Variants in HPSE2 observed in about 807,000 individuals in gnomAD.
HPSE2 encodes inactive heparanase-2.
In HPSE2, 38 loss-of-function variants were observed where a neutral mutation model predicts 60.5. The ratio of observed to expected loss-of-function variants is 0.63; its 90% CI spans 0.48 to 0.82. The LOEUF (loss-of-function observed/expected upper bound fraction) is 0.82. HPSE2 is among the 40% of genes least tolerant of loss of function. The probability of loss-of-function intolerance (pLI) is 0.00; values close to 1 mark genes in which losing one functional copy is unlikely to be tolerated. For synonymous variants in HPSE2, 295 were observed against 293.2 expected (o/e 1.01, Z -0.06); for missense variants, 713 against 740.4 (o/e 0.96, Z 0.43).
intron 3 of HPSE2, among the ~76,000 whole-genome samples, chr10:98,834,454 T>G (rs1951749038): frequency 1.3e-5 from 2 of 152,162 alleles, no homozygotes; most frequent in South Asian, 2.1e-4. Context: ...GGAAGCAGGT[T>G]TGCATAAAAG....
chr10:99,027,775 C>A (rs889314545), intron 3 of HPSE2, among the ~76,000 whole-genome samples: 2 of 148,762 alleles, frequency 1.3e-5, no homozygotes, highest in East Asian at 2.0e-4. Context: ...ACTAGTAAAC[C>A]AAACTCAACA....
intron 9 of HPSE2, among the ~76,000 whole-genome samples, chr10:98,558,106 A>T (rs1944065284): frequency 1.3e-5 from 2 of 152,168 alleles, no homozygotes; most frequent in Non-Finnish European, 2.9e-5. Context: ...CATGTATCTG[A>T]GAATGGCTAA....
intron 6 of HPSE2, among the ~76,000 whole-genome samples, chr10:98,679,717 TC>T (rs2134133155): frequency 6.6e-6 from 1 of 152,214 alleles, no homozygotes; most frequent in Admixed American, 6.5e-5. Context: ...AGAAATAGGG[TC>T]TTGCTCTGTT....
At chr10:99,303,470 G>C in the HPSE2 span, among the ~76,000 whole-genome samples, 1 of 152,146 alleles carries the variant, frequency 6.6e-6, no homozygotes, top group Admixed American at 6.5e-5. Context: ...TAACCTCCCT[G>C]TTCGACCAGG....
chr10:99,037,406 T>C (rs931134713), intron 3 of HPSE2, among the ~76,000 whole-genome samples: 1 of 152,084 alleles, frequency 6.6e-6, no homozygotes, highest in Non-Finnish European at 1.5e-5. Flanking sequence ...TGGTGACACA[T>C]ATATGTAAAG....
intron 11 of HPSE2, among the ~76,000 whole-genome samples, chr10:98,460,129 C>A (rs1940224596): frequency 6.6e-6 from 1 of 152,144 alleles, no homozygotes; most frequent in Admixed American, 6.5e-5. Context: ...TTAAAAATCA[C>A]AATATCAGCT....
At chr10:98,960,301 G>C (rs900306833) in intron 3 of HPSE2, among the ~76,000 whole-genome samples, 2 of 152,042 alleles carry the variant, frequency 1.3e-5, no homozygotes, top group Non-Finnish European at 2.9e-5. Flanking sequence ...CAAAGCCAAG[G>C]AACAGGCAAT....
intron 3 of HPSE2, among the ~76,000 whole-genome samples, chr10:99,099,363 A>C (rs947362421): frequency 2.6e-5 from 4 of 152,242 alleles, no homozygotes; most frequent in Non-Finnish European, 5.9e-5. Context: ...CATGGCTCAC[A>C]GGGACCCATG....
At chr10:99,106,319 T>A (rs910154734) in intron 3 of HPSE2, among the ~76,000 whole-genome samples, 4 of 152,124 alleles carry the variant, frequency 2.6e-5, no homozygotes, top group African/African-American at 9.6e-5. Flanking sequence ...ATCATACTTT[T>A]GTTAAATTGT....
At chr10:98,510,852 A>C (rs1942365822) in intron 9 of HPSE2, among the ~76,000 whole-genome samples, 1 of 151,884 alleles carries the variant, frequency 6.6e-6, no homozygotes, top group African/African-American at 2.4e-5. Context: ...GAGGCTGACT[A>C]AAGTATCACA....
chr10:98,606,114 G>C (rs1339791331), intron 9 of HPSE2, among the ~76,000 whole-genome samples: 1 of 152,294 alleles, frequency 6.6e-6, no homozygotes, highest in Non-Finnish European at 1.5e-5. Flanking sequence ...CAGGGATCTT[G>C]TCTTTCCCCT....
Position 98,867,912 on chromosome 10 carries a change from A to G in HPSE2, c.611-123856T>C, listed in dbSNP as rs981822824. On this transcript the variant is annotated intron_variant, in intron 3 of 11. Transcript: ENST00000370552. ...CTGTCTCTACTAAAAATACAAAAAA[A>G]TTAGCCAGGGGTGGTGGCAGATGCC... Among the ~76,000 whole-genome samples the G allele has an allele frequency of 3.3e-5, 5 of 152,054 alleles. No homozygotes were observed. The East Asian group carries it at 9.7e-4, about 30-fold the overall frequency.
rs1322220518 is a variant in HPSE2, at chr10:98,938,630, G to T, written c.611-194574C>A. 1.1e-4 allele frequency among the ~76,000 whole-genome samples: 16 copies of T among 144,046 alleles called. 1 individual carries two copies. The East Asian group carries it at 2.4e-3, about 21-fold the overall frequency. The allele number at this position is 144,046 out of a possible 152,430, so 94.5% of individuals were successfully genotyped here. On this transcript the variant is annotated intron_variant, in intron 3 of 11. Coordinates refer to ENST00000370552, the MANE Select transcript of HPSE2 (RefSeq NM_021828.5). ...CTGATTGGTGTACCTGAAAGTGAGG[G>T]GGAGAATGCAACCAAGTTGGAAAAC...
intron 3 of HPSE2, chr10:99,013,332 G>C: frequency 1.6e-6 from 1 of 614,968 alleles, no homozygotes; most frequent in Non-Finnish European, 3.1e-6. Context: ...GAGTTCTCTA[G>C]TTACAGAAAT....
chr10:99,298,686 T>C, the HPSE2 span, among the ~76,000 whole-genome samples: 1 of 151,858 alleles, frequency 6.6e-6, no homozygotes, highest in Non-Finnish European at 1.5e-5. Context: ...TTTTTCTTTT[T>C]TTTTTTTGAG....
chr10:99,186,129 C>CACACACACACACACACACACACAT (rs1848007108), intron 2 of HPSE2, among the ~76,000 whole-genome samples: 40 of 141,704 alleles, frequency 2.8e-4, no homozygotes, highest in African/African-American at 8.0e-4. Context: ...CACACACACA[C>CACACACACACACACACACACACAT]ACACACACAC....
In HPSE2 at chr10:98,789,624, G is replaced by A. The variant is rs371793524; in HGVS notation, c.611-45568C>T. ...ACTGATGTGGGCTGTCTTGAGTAGGGCTGACCTTGGATGAGGCTACTCTCT... is the reference window on the plus strand; with the variant it reads ...ACTGATGTGGGCTGTCTTGAGTAGGACTGACCTTGGATGAGGCTACTCTCT... On this transcript the variant is annotated intron_variant, in intron 3 of 11. Coordinates refer to ENST00000370552, the MANE Select transcript of HPSE2 (RefSeq NM_021828.5). Among the ~76,000 whole-genome samples, 16 of 152,264 alleles carry A rather than the reference G, an allele frequency of 1.1e-4. 1 individual carries two copies. In the East Asian group the frequency reaches 3.1e-3, roughly 29 times the overall value.
intron 9 of HPSE2, among the ~76,000 whole-genome samples, chr10:98,510,748 T>A (rs899680908): frequency 3.3e-5 from 5 of 152,212 alleles, no homozygotes; most frequent in African/African-American, 4.8e-5. Context: ...TAAGGTTTCC[T>A]GTGCAGCCTG....
chr10:99,016,038 T>C (rs951252930), intron 3 of HPSE2, among the ~76,000 whole-genome samples: 2 of 152,192 alleles, frequency 1.3e-5, no homozygotes, highest in African/African-American at 4.8e-5. Context: ...GCTCTTTAGT[T>C]TAATCAGATC....
Sources: gnomAD v4.1 joint callset for allele counts (sites outside exome capture counted in the v4.1 genomes callset) on GRCh38, gnomAD v4.1.1 for gene constraint, MANE v1.5 for transcripts, NCBI Gene and HGNC (gene_info 2026-07-23, HGNC 2026-07-21) for gene names.